EXOC2: variants seen among roughly 807,000 people sequenced by gnomAD.
The protein encoded by EXOC2 is SEC5-like 1.
Under a neutral mutation model 131.8 loss-of-function variants are expected in EXOC2, and 70 were observed. The observed-to-expected ratio is 0.53, with a 90% CI of 0.44 to 0.65. EXOC2 has a LOEUF of 0.65. Ranked by LOEUF, EXOC2 falls within the 30% of genes least tolerant of loss-of-function variation. The pLI, the probability that EXOC2 is intolerant of heterozygous loss-of-function variation, is 0.00. For missense variants in EXOC2, 923 were observed against 1,108.6 expected, an observed-to-expected ratio of 0.83 and a Z score of 2.38; for synonymous variants, 411 against 398.4, an observed-to-expected ratio of 1.03 and a Z score of -0.38.
intron 17 of EXOC2, among the ~76,000 whole-genome samples, chr6:561,409 C>T (rs952482360): frequency 1.3e-4 from 20 of 152,224 alleles, no homozygotes; most frequent in South Asian, 2.1e-4. Flanking sequence ...AACCAGCCTT[C>T]GCTGAGGATA....
At chr6:672,897 A>G (rs1763935219) in intron 1 of EXOC2, among the ~76,000 whole-genome samples, 1 of 152,200 alleles carries the variant, frequency 6.6e-6, no homozygotes, top group Non-Finnish European at 1.5e-5. Context: ...ACATTTTACA[A>G]TTTACTCAGA....
chr6:492,037 T>C (rs981815349), intron 25 of EXOC2, among the ~76,000 whole-genome samples: 5 of 152,176 alleles, frequency 3.3e-5, no homozygotes, highest in African/African-American at 7.2e-5. Flanking sequence ...AAGAAACTTA[T>C]GAAACTATCA....
At chr6:529,909 G>A (rs1256987365) in intron 23 of EXOC2, among the ~76,000 whole-genome samples, 2 of 152,140 alleles carry the variant, frequency 1.3e-5, no homozygotes, top group Non-Finnish European at 2.9e-5. Context: ...AACTATTACC[G>A]AAAAATGTAT....
At chr6:501,066 CTATA>C (rs1183315359) in intron 23 of EXOC2, among the ~76,000 whole-genome samples, 1 of 126,354 alleles carries the variant, frequency 7.9e-6, no homozygotes, top group Non-Finnish European at 1.6e-5. Flanking sequence ...CTATATATAT[CTATA>C]TATCTATATA....
intron 4 of EXOC2, among the ~76,000 whole-genome samples, chr6:619,781 A>C (rs963701059): frequency 1.3e-5 from 2 of 152,230 alleles, no homozygotes; most frequent in Non-Finnish European, 2.9e-5. Context: ...AACTAGTTGA[A>C]ATACAGAAAT....
intron 1 of EXOC2, among the ~76,000 whole-genome samples, chr6:639,936 G>C (rs1223543559): frequency 6.6e-6 from 1 of 152,190 alleles, no homozygotes; most frequent in Non-Finnish European, 1.5e-5. Context: ...CAAAGGGAAA[G>C]GGAGGATAGG....
intron 6 of EXOC2, among the ~76,000 whole-genome samples, chr6:613,306 G>A (rs777664476): frequency 4.5e-4 from 68 of 152,158 alleles, no homozygotes; most frequent in Non-Finnish European, 6.9e-4. Flanking sequence ...AAACAAAACC[G>A]ACAATGGCAT....
intron 1 of EXOC2, among the ~76,000 whole-genome samples, chr6:671,791 T>G (rs1763884793): frequency 6.6e-6 from 1 of 152,218 alleles, no homozygotes; most frequent in Admixed American, 6.5e-5. Flanking sequence ...TTTCCATTCT[T>G]GTCTCCCTTA....
intron 21 of EXOC2, among the ~76,000 whole-genome samples, chr6:550,712 C>T (rs78919967): frequency 0.02 from 3,003 of 152,306 alleles, 64 homozygotes; most frequent in African/African-American, 0.053. Flanking sequence ...CTCCAGTCCC[C>T]GGGCCTGGAG....
chr6:547,589 G>A (rs573308294), intron 22 of EXOC2, among the ~76,000 whole-genome samples: 3 of 152,320 alleles, frequency 2.0e-5, no homozygotes, highest in Non-Finnish European at 2.9e-5. Flanking sequence ...TCCCTTTGAT[G>A]CCAGAAATAG....
chr6:522,936 C>T (rs796739561), intron 23 of EXOC2, among the ~76,000 whole-genome samples: 2 of 152,296 alleles, frequency 1.3e-5, no homozygotes, highest in African/African-American at 4.8e-5. Context: ...ATGACCAGTA[C>T]TAAAGCTGTT....
At chr6:517,250 T>C (rs747345200) in intron 23 of EXOC2, among the ~76,000 whole-genome samples, 2 of 152,096 alleles carry the variant, frequency 1.3e-5, no homozygotes, top group East Asian at 1.9e-4. Flanking sequence ...GAAACCAGCA[T>C]GAGTGTGGAA....
intron 1 of EXOC2, among the ~76,000 whole-genome samples, chr6:645,162 A>G (rs535666263): frequency 5.1e-4 from 78 of 152,202 alleles, no homozygotes; most frequent in Non-Finnish European, 8.8e-4. Flanking sequence ...ATATGATTAT[A>G]TGAGTTTTGA....
chr6:530,481 G>A (rs1766012158), intron 23 of EXOC2, among the ~76,000 whole-genome samples: 1 of 152,220 alleles, frequency 6.6e-6, no homozygotes, highest in Non-Finnish European at 1.5e-5. Context: ...ACAGAGAGTG[G>A]CAAGAGCTGC....
chr6:656,389 T>A, intron 1 of EXOC2: 1 of 1,614,210 alleles, frequency 6.2e-7, no homozygotes, highest in Non-Finnish European at 8.5e-7. Context: ...ATCCTGCCAC[T>A]GAGGTTTGCT....
chr6:554,321 T>C (rs1170935434), intron 20 of EXOC2, among the ~76,000 whole-genome samples: 1 of 152,206 alleles, frequency 6.6e-6, no homozygotes, highest in Non-Finnish European at 1.5e-5. Flanking sequence ...ATTACAGGCA[T>C]GAACCACCAT....
Position 658,835 on chromosome 6 carries a change from T to G in EXOC2, c.-43-20974A>C, listed in dbSNP as rs537160102. ...TGCCACCATGCCCAGCTAATTTTTG[T>G]ATTTTTAGTAAAGACGAGGTTTCAC... On this transcript the variant is annotated intron_variant, in intron 1 of 27. Coordinates refer to ENST00000230449, the MANE Select transcript of EXOC2 (RefSeq NM_018303.6). 3.4e-4 allele frequency among the ~76,000 whole-genome samples: 52 copies of G among 151,858 alleles called. No homozygotes were observed. The East Asian group carries it at 7.0e-3, about 20-fold the overall frequency.
At chr6:531,594 A>C (rs1766089841) in intron 23 of EXOC2, among the ~76,000 whole-genome samples, 1 of 152,282 alleles carries the variant, frequency 6.6e-6, no homozygotes, top group South Asian at 2.1e-4. Flanking sequence ...AAAGGTGTTT[A>C]AACAGTAAAC....
At chr6:572,697 A>G in intron 12 of EXOC2, 53 bp from the exon 13 acceptor site, 1 of 1,585,176 alleles carries the variant, frequency 6.3e-7, no homozygotes, top group Non-Finnish European at 8.6e-7. Flanking sequence ...TCAAGAAAAC[A>G]CCTTTGAGCA....
Sources: gnomAD v4.1 joint callset for allele counts (sites outside exome capture counted in the v4.1 genomes callset) on GRCh38, gnomAD v4.1.1 for gene constraint, MANE v1.5 for transcripts, NCBI Gene and HGNC (gene_info 2026-07-23, HGNC 2026-07-21) for gene names.